PSMD12: variants seen among roughly 807,000 people sequenced by gnomAD.
The protein encoded by PSMD12 is 26S proteasome non-ATPase regulatory subunit 12.
In PSMD12, 8 loss-of-function variants were observed where a neutral mutation model predicts 62.9. The ratio of observed to expected loss-of-function variants is 0.13; its 90% CI spans 0.07 to 0.23. The LOEUF (loss-of-function observed/expected upper bound fraction) is 0.23. PSMD12 is among the 10% of genes least tolerant of loss of function. PSMD12 has a pLI of 1.00. For missense variants in PSMD12, 424 were observed against 550.2 expected, an observed-to-expected ratio of 0.77 and a Z score of 2.29; for synonymous variants, 173 against 187.4, an observed-to-expected ratio of 0.92 and a Z score of 0.63.
At chr17:67,344,171 C>T (rs1235929907) in intron 9 of PSMD12, among the ~76,000 whole-genome samples, 1 of 152,176 alleles carries the variant, frequency 6.6e-6, no homozygotes. Flanking sequence ...AGACATGTTA[C>T]CTGCTTCCAA....
chr17:67,353,931 C>T (rs2143712889), intron 3 of PSMD12, among the ~76,000 whole-genome samples: 1 of 152,284 alleles, frequency 6.6e-6, no homozygotes, highest in South Asian at 2.1e-4. Context: ...GTCACTTATA[C>T]ATTGCCTAAT....
At chr17:67,364,998 G>A (rs2042165814) in intron 1 of PSMD12, among the ~76,000 whole-genome samples, 1 of 152,090 alleles carries the variant, frequency 6.6e-6, no homozygotes, top group Admixed American at 6.6e-5. Flanking sequence ...GACCAGCCTG[G>A]CCAACGTAGT....
intron 9 of PSMD12, among the ~76,000 whole-genome samples, chr17:67,343,159 A>G (rs949184441): frequency 6.6e-6 from 1 of 152,120 alleles, no homozygotes; most frequent in South Asian, 2.1e-4. Flanking sequence ...AAATGAACTC[A>G]ATCTTTGAAG....
Position 67,339,112 on chromosome 17 carries a change from G to A in PSMD12, c.*1731C>T, listed in dbSNP as rs1404449445. The stretch of plus-strand genomic sequence containing the variant: ...TTCTGTTTCTGAACTTTCCAGTTTT[G>A]TTTTTTTTTTTTTGAGACGGAGTCT... On this transcript the variant is annotated 3_prime_UTR_variant, in exon 11 of 11. Coordinates refer to ENST00000356126, the MANE Select transcript of PSMD12 (RefSeq NM_002816.5). The A allele has an allele frequency of 7.1e-6, 1 of 141,436 alleles. No individual in the cohort carries two copies. Among genetic ancestry groups the A allele is most frequent in the Non-Finnish European group, 1.6e-5 (1 of 64,336 alleles). 8.8% of individuals were successfully genotyped at this position (141,436 alleles called of 1,614,324 possible).
chr17:67,345,236 A>ACT (rs1237532810), intron 8 of PSMD12, among the ~76,000 whole-genome samples: 1 of 152,254 alleles, frequency 6.6e-6, no homozygotes, highest in African/African-American at 2.4e-5. Flanking sequence ...GCAATTTAGA[A>ACT]GAAAGTATGT....
Position 67,339,598 on chromosome 17 carries a change from C to A in PSMD12, c.*1245G>T, listed in dbSNP as rs1394883528. 6.6e-6 allele frequency: 1 copy of A among 152,170 alleles called. No homozygotes were observed. Among genetic ancestry groups the A allele is most frequent in the African/African-American group, 2.4e-5 (1 of 41,434 alleles). The allele number at this position is 152,170 out of a possible 1,614,324, so 9.4% of individuals were successfully genotyped here. ...ATCATAAAATAGGACAATTGATAAT[C>A]TTCCATTAAGTGGAAAATTAATTAG... On this transcript the variant is annotated 3_prime_UTR_variant, in exon 11 of 11. Coordinates refer to ENST00000356126, the MANE Select transcript of PSMD12 (RefSeq NM_002816.5).
rs371152473 is a variant in PSMD12, at chr17:67,357,511, C to T, written c.168+8G>A. On this transcript the variant is annotated splice_region_variant and intron_variant, in intron 2 of 10. Coordinates refer to ENST00000356126, the MANE Select transcript of PSMD12 (RefSeq NM_002816.5). ...TGGTAACTGAGCTTTCCCCTGTAAA[C>T]TACTCACAGTACGAGTCTGCTTTTC... 6.2e-7 allele frequency: 1 copy of T among 1,613,520 alleles called. No homozygotes were observed. The highest frequency in any genetic ancestry group is 1.7e-5 in the Admixed American group (1 of 60,012).
intron 8 of PSMD12, among the ~76,000 whole-genome samples, chr17:67,345,349 G>A (rs895148869): frequency 6.6e-6 from 1 of 152,122 alleles, no homozygotes; most frequent in Non-Finnish European, 1.5e-5. Context: ...CAATTAAGAA[G>A]TACACACTTA....
At position 67,365,456 on chromosome 17, in the gene PSMD12, C is replaced by T. The variant is rs779258016; in HGVS notation, c.108+956G>A. 4.6e-5 allele frequency among the ~76,000 whole-genome samples: 7 copies of T among 152,206 alleles called. No individual in the cohort carries two copies. In the East Asian group the frequency reaches 5.8e-4, roughly 13 times the overall value. On this transcript the variant is annotated intron_variant, in intron 1 of 10. Transcript: ENST00000356126. ...TGGCTTAGTGCATGTAAGCACGGTGCCTGACACTGCAGAAACTACTCAACA... is the reference window on the plus strand; with the variant it reads ...TGGCTTAGTGCATGTAAGCACGGTGTCTGACACTGCAGAAACTACTCAACA...
intron 8 of PSMD12, 140 bp from the exon 9 acceptor site, chr17:67,344,920 T>C (rs36121421): frequency 1.1e-5 from 8 of 708,600 alleles, no homozygotes; most frequent in Non-Finnish European, 1.8e-5. Context: ...ATGATTATTG[T>C]GTATTTTACC....
At chr17:67,350,385 G>C (rs770299042) in intron 3 of PSMD12, 49 bp from the exon 4 acceptor site, 2 of 1,351,602 alleles carry the variant, frequency 1.5e-6, no homozygotes, top group Admixed American at 4.4e-5. Context: ...CTCACAGAGC[G>C]AAAAAATGTA....
In PSMD12 at chr17:67,366,527, G is replaced by A. The variant is rs2042181856; in HGVS notation, c.-8C>T. The A allele has an allele frequency of 3.1e-6, 5 of 1,598,760 alleles. No homozygotes were observed. The highest frequency in any genetic ancestry group is 1.3e-5 in the African/African-American group (1 of 74,742). ...CGAGCCGCCGTCCGCCATGGTCCCCGCCTGAGCGTCCCTTGCTGTCCCCCT... is the reference window on the plus strand; with the variant it reads ...CGAGCCGCCGTCCGCCATGGTCCCCACCTGAGCGTCCCTTGCTGTCCCCCT... On this transcript the variant is annotated 5_prime_UTR_variant, in exon 1 of 11. Transcript: ENST00000356126.
chr17:67,365,247 G>A (rs1434833523), intron 1 of PSMD12, among the ~76,000 whole-genome samples: 2 of 151,954 alleles, frequency 1.3e-5, no homozygotes, highest in South Asian at 2.1e-4. Context: ...GGACAGCATG[G>A]TGTGTGAGGG....
At chr17:67,352,316 A>G (rs1598566579) in intron 3 of PSMD12, among the ~76,000 whole-genome samples, 1 of 152,088 alleles carries the variant, frequency 6.6e-6, no homozygotes, top group Non-Finnish European at 1.5e-5. Flanking sequence ...GCCCATGTGC[A>G]CCTACTGTTT....
intron 3 of PSMD12, among the ~76,000 whole-genome samples, chr17:67,356,662 T>C (rs1353523343): frequency 1.4e-5 from 2 of 143,570 alleles, no homozygotes; most frequent in African/African-American, 5.1e-5. Flanking sequence ...AAAAGGGATA[T>C]GACTAAATAA....
chr17:67,347,054 TA>T lies in PSMD12; in HGVS notation c.795+61del, dbSNP rs555073475. The T allele has an allele frequency of 3.1e-4, 466 of 1,509,064 alleles. 1 individual carries two copies. The African/African-American group carries it at 5.8e-3, about 19-fold the overall frequency. 93.5% of individuals were successfully genotyped at this position (1,509,064 alleles called of 1,614,324 possible). A position where few individuals can be genotyped will look rare whatever the true frequency, so the allele number is the denominator to read the frequency against. On this transcript the variant is annotated intron_variant, in intron 7 of 10. Transcript: ENST00000356126. ...TATTGCAGTTAAAAAGATTTGAAAA[TA>T]AAAAAAGCAAATTACTCTTCTGAAT...
chr17:67,349,793 G>C (rs1433155446), intron 4 of PSMD12, among the ~76,000 whole-genome samples: 1 of 152,122 alleles, frequency 6.6e-6, no homozygotes, highest in East Asian at 1.9e-4. Flanking sequence ...AAAGCACCTA[G>C]TGAATGAATT....
At position 67,345,739 on chromosome 17, in the gene PSMD12, A is replaced by G. The variant is rs1242753068; in HGVS notation, c.908+6T>C. ...GATATATCATGCTAATTTCAAAAGT[A>G]CTTACTTGTATTTGGGAATTTCTTC... On this transcript the variant is annotated splice_donor_region_variant and intron_variant, in intron 8 of 10. Coordinates refer to ENST00000356126, the MANE Select transcript of PSMD12 (RefSeq NM_002816.5). 1 of 1,584,980 alleles carries G rather than the reference A, an allele frequency of 6.3e-7. No individual in the cohort carries two copies. Among genetic ancestry groups the G allele is most frequent in the East Asian group, 2.2e-5 (1 of 44,720 alleles).
At position 67,357,288 on chromosome 17, in the gene PSMD12, T is replaced by C. The variant is rs2042084092; in HGVS notation, c.297+15A>G. On this transcript the variant is annotated intron_variant, in intron 3 of 10. Coordinates refer to ENST00000356126, the MANE Select transcript of PSMD12 (RefSeq NM_002816.5). ...AATGCTTTTGTGTTTGGAGCAGACATGATCATGAACTCACTTGTTTTAACT... is the reference window on the plus strand; with the variant it reads ...AATGCTTTTGTGTTTGGAGCAGACACGATCATGAACTCACTTGTTTTAACT... The C allele has an allele frequency of 6.2e-7, 1 of 1,606,720 alleles. No individual in the cohort carries two copies. Among genetic ancestry groups the C allele is most frequent in the East Asian group, 2.2e-5 (1 of 44,812 alleles).
Sources: gnomAD v4.1 joint callset for allele counts (sites outside exome capture counted in the v4.1 genomes callset) on GRCh38, gnomAD v4.1.1 for gene constraint, MANE v1.5 for transcripts, NCBI Gene and HGNC (gene_info 2026-07-23, HGNC 2026-07-21) for gene names.